Variants in CDC42BPB observed in about 807,000 individuals in gnomAD.
The protein encoded by CDC42BPB is CDC42 binding protein kinase beta.
In CDC42BPB, 37 loss-of-function variants were observed where a neutral mutation model predicts 214.9. The observed-to-expected ratio is 0.17, with a 90% CI of 0.13 to 0.23. The LOEUF is 0.23. CDC42BPB is among the 10% of genes least tolerant of loss of function. The pLI, the probability that CDC42BPB is intolerant of heterozygous loss-of-function variation, is 1.00. For synonymous variants in CDC42BPB, 931 were observed against 884.0 expected, an observed-to-expected ratio of 1.05 and a Z score of -0.94; for missense variants, 1,694 against 2,227.0, an observed-to-expected ratio of 0.76 and a Z score of 4.82.
At chr14:102,941,944 G>A (rs933188501) in intron 30 of CDC42BPB, among the ~76,000 whole-genome samples, 2 of 152,248 alleles carry the variant, frequency 1.3e-5, no homozygotes, top group African/African-American at 4.8e-5. Context: ...TCTGCACTGT[G>A]CCCGCAGGAG....
At chr14:103,048,632 C>T (rs1050014952) in intron 1 of CDC42BPB, among the ~76,000 whole-genome samples, 3 of 149,286 alleles carry the variant, frequency 2.0e-5, no homozygotes, top group Non-Finnish European at 4.4e-5. Context: ...GGTGTGAACC[C>T]AGGAGGCGGA....
chr14:103,031,182 A>T (rs1235948671), intron 1 of CDC42BPB, among the ~76,000 whole-genome samples: 1 of 152,080 alleles, frequency 6.6e-6, no homozygotes, highest in Non-Finnish European at 1.5e-5. Context: ...CCAGACACCA[A>T]GCAGAGAAAG....
chr14:103,024,233 C>A (rs1886927464), intron 1 of CDC42BPB, among the ~76,000 whole-genome samples: 2 of 152,178 alleles, frequency 1.3e-5, no homozygotes. Context: ...TTAACTGAGG[C>A]GGAAGGACAG....
chr14:102,980,050 G>A (rs1423471425), intron 8 of CDC42BPB, among the ~76,000 whole-genome samples: 1 of 152,220 alleles, frequency 6.6e-6, no homozygotes, highest in African/African-American at 2.4e-5. Context: ...CACATGTAGG[G>A]AAAAGACCAG....
chr14:102,981,056 G>A (rs375379184), intron 7 of CDC42BPB, 35 bp from the exon 8 acceptor site: 3 of 1,613,152 alleles, frequency 1.9e-6, no homozygotes, highest in South Asian at 1.1e-5. Flanking sequence ...GTGGACAGGT[G>A]GACGCATTCA....
chr14:103,039,976 C>T (rs761021802), intron 1 of CDC42BPB, among the ~76,000 whole-genome samples: 17 of 152,084 alleles, frequency 1.1e-4, no homozygotes, highest in Admixed American at 6.5e-5. Context: ...AATCAATTTA[C>T]CTCAGGAATA....
At chr14:103,056,032 G>C (rs1366383522) in intron 1 of CDC42BPB, among the ~76,000 whole-genome samples, 1 of 152,226 alleles carries the variant, frequency 6.6e-6, no homozygotes, top group African/African-American at 2.4e-5. Context: ...GTTAGGGAGA[G>C]ATGAAGTAAA....
chr14:102,954,949 T>C, intron 21 of CDC42BPB: 1 of 250,076 alleles, frequency 4.0e-6, no homozygotes, highest in African/African-American at 2.3e-5. Flanking sequence ...GTCTGACAAG[T>C]CACAGTCACC....
chr14:102,963,151 G>T lies in CDC42BPB; in HGVS notation c.2731C>A (p.Leu911Ile). ...CTGTTTTTGGCTTCGGAATCCTTTA[G>T]TTTGCTAAAATAAAAAATAAATGGC... ...KDANLTLESKLKDSEAKNREL... is the reference protein window; with the variant it reads ...KDANLTLESKIKDSEAKNREL... The change falls in exon 20 of 37, where the codon CTA (leucine) becomes ATA (isoleucine). Residue 911 changes from leucine (L) to isoleucine (I), a missense_variant. Around this residue, in one of 7 missense-constraint regions of CDC42BPB, gnomAD observed 156 missense variants for 154.5 expected, o/e 1.01. Coordinates refer to ENST00000361246, the MANE Select transcript of CDC42BPB (RefSeq NM_006035.4). 6.3e-7 allele frequency: 1 copy of T among 1,591,300 alleles called. No homozygotes were observed. Among genetic ancestry groups the T allele is most frequent in the Non-Finnish European group, 8.6e-7 (1 of 1,165,152 alleles).
intron 25 of CDC42BPB, 37 bp downstream of exon 25, chr14:102,950,429 G>A: frequency 7.5e-6 from 12 of 1,609,638 alleles, no homozygotes; most frequent in Non-Finnish European, 1.0e-5. Context: ...GCACCTCACA[G>A]GCACCGAGGG....
chr14:102,938,030 C>T lies in CDC42BPB; in HGVS notation c.5004+74G>A, dbSNP rs1891717056. On this transcript the variant is annotated intron_variant, in intron 36 of 36. Coordinates refer to ENST00000361246, the MANE Select transcript of CDC42BPB (RefSeq NM_006035.4). The stretch of plus-strand genomic sequence containing the variant: ...AAAGGGCTGTGACACCACCCAGGGC[C>T]CCAGATCTTCGGGCTGCTTTTCCTC... The T allele has an allele frequency of 1.6e-5, 24 of 1,502,246 alleles. No homozygotes were observed. The South Asian group carries it at 2.0e-4, about 13-fold the overall frequency. The allele number at this position is 1,502,246 out of a possible 1,614,324, so 93.1% of individuals were successfully genotyped here.
chr14:103,055,086 G>A (rs1349426075), intron 1 of CDC42BPB, among the ~76,000 whole-genome samples: 1 of 152,380 alleles, frequency 6.6e-6, no homozygotes, highest in African/African-American at 2.4e-5. Flanking sequence ...AGTTGAACCT[G>A]ACAGTGGAAC....
rs1005286754 is a variant in CDC42BPB at position 103,020,166 on chromosome 14, G to A, written c.176-7978C>T. 2.0e-5 allele frequency among the ~76,000 whole-genome samples: 3 copies of A among 152,354 alleles called. No homozygotes were observed. In the East Asian group the frequency reaches 5.8e-4, roughly 29 times the overall value. ...CACCCTGACTGTTTGGGCCTCAGCT[G>A]CTTTGTGGCCACAATCAATACATTT... On this transcript the variant is annotated intron_variant, in intron 1 of 36. Coordinates refer to ENST00000361246, the MANE Select transcript of CDC42BPB (RefSeq NM_006035.4).
At chr14:102,988,578 T>C (rs1026357230) in intron 5 of CDC42BPB, among the ~76,000 whole-genome samples, 6 of 152,072 alleles carry the variant, frequency 3.9e-5, no homozygotes, top group Non-Finnish European at 8.8e-5. Context: ...GTGGTGCTAG[T>C]GTGTGCAGAG....
intron 5 of CDC42BPB, among the ~76,000 whole-genome samples, chr14:102,990,557 G>A (rs540009795): frequency 3.9e-4 from 59 of 152,282 alleles, no homozygotes; most frequent in African/African-American, 1.2e-3. Context: ...ACAGGTAGAC[G>A]TGTGTGTCCA....
In CDC42BPB at chr14:103,001,674, C is replaced by T. The variant is rs759987020; in HGVS notation, c.448-1961G>A. On this transcript the variant is annotated intron_variant, in intron 4 of 36. Transcript: ENST00000361246. This position sits in a 1 kb window ranked among gnomAD's most constrained non-coding sequence, Gnocchi z 5.8. Reference sequence around the variant, plus strand: ...CGATGCAGAGGGGGCGGTGGATGCACACTGCAGGCATTCCAGAGGGAGCGG... The same window carrying T: ...CGATGCAGAGGGGGCGGTGGATGCATACTGCAGGCATTCCAGAGGGAGCGG... 2.0e-5 allele frequency among the ~76,000 whole-genome samples: 3 copies of T among 152,180 alleles called. No homozygotes were observed. The highest frequency in any genetic ancestry group is 4.4e-5 in the Non-Finnish European group (3 of 68,024).
Position 102,944,787 on chromosome 14 carries a change from C to T in CDC42BPB, c.3812-300G>A, listed in dbSNP as rs1346032982. The T allele has an allele frequency of 1.6e-5, 8 of 498,152 alleles. No homozygotes were observed. The highest frequency in any genetic ancestry group is 1.8e-5 in the Non-Finnish European group (7 of 384,916). 30.9% of individuals were successfully genotyped at this position (498,152 alleles called of 1,614,324 possible). Reference sequence around the variant, plus strand: ...ACCCCTCAGTGCACCAGGGCTCCAGCTGGGCAGCGCTTCCACCTGGGTCCT... The same window carrying T: ...ACCCCTCAGTGCACCAGGGCTCCAGTTGGGCAGCGCTTCCACCTGGGTCCT... On this transcript the variant is annotated intron_variant, in intron 29 of 36. Coordinates refer to ENST00000361246, the MANE Select transcript of CDC42BPB (RefSeq NM_006035.4). This position sits in a 1 kb window ranked among gnomAD's most constrained non-coding sequence, Gnocchi z 6.6.
Position 102,959,673 on chromosome 14 carries a change from C to T in CDC42BPB, c.2859G>A (p.Glu953=), listed in dbSNP as rs1275259718. The T allele has an allele frequency of 3.7e-6, 6 of 1,611,786 alleles. No individual in the cohort carries two copies. Among genetic ancestry groups the T allele is most frequent in the Non-Finnish European group, 4.2e-6 (5 of 1,179,280 alleles). Residue 953 remains glutamate, a synonymous_variant, in exon 21 of 37, where the codon GAG becomes GAA. Coordinates refer to ENST00000361246, the MANE Select transcript of CDC42BPB (RefSeq NM_006035.4). ...KLPDFQDSIF[E]YFNTAPLAHD... is the part of the protein sequence containing the mutation. Reference sequence around the variant, plus strand: ...GTGCAAGAGGAGCAGTGTTGAAATACTCAAAAATGGAATCCTGAAAATCTG... The same window carrying T: ...GTGCAAGAGGAGCAGTGTTGAAATATTCAAAAATGGAATCCTGAAAATCTG...
intron 1 of CDC42BPB, among the ~76,000 whole-genome samples, chr14:103,015,458 G>A (rs1886402866): frequency 6.6e-6 from 1 of 152,058 alleles, no homozygotes; most frequent in South Asian, 2.1e-4. Flanking sequence ...CTGCACTCCA[G>A]CCTGGGCAAC....
Sources: allele counts gnomAD v4.1 joint callset (sites outside exome capture counted in the v4.1 genomes callset), GRCh38; gene constraint gnomAD v4.1.1; regional missense constraint gnomAD v4.1.1; non-coding constraint Gnocchi (gnomAD v3.1); transcripts MANE v1.5; gene names NCBI Gene and HGNC (gene_info 2026-07-23, HGNC 2026-07-21).